The following MCUB variants were observed in gnomAD, a reference collection of about 807,000 sequenced individuals.
MCUB encodes the protein mitochondrial calcium uniporter dominant negative subunit beta.
Under a neutral mutation model 41.4 loss-of-function variants are expected in MCUB, and 46 were observed. The ratio of observed to expected loss-of-function variants is 1.11; its 90% confidence interval spans 0.88 to 1.42. The LOEUF is 1.42. Ranked by LOEUF, MCUB falls within the 40% of genes most tolerant of loss-of-function variation. The pLI is 0.00. For synonymous variants in MCUB, 148 were observed against 148.2 expected, an observed-to-expected ratio of 1.00 and a Z score of 0.01; for missense variants, 403 against 404.9, an observed-to-expected ratio of 1.00 and a Z score of 0.04.
chr4:109,619,046 A>G (rs911046059), intron 1 of MCUB, among the ~76,000 whole-genome samples: 116 of 145,524 alleles, frequency 8.0e-4, no homozygotes, highest in Admixed American at 2.4e-3. Context: ...CTACCTACCT[A>G]CCTACCTACC....
chr4:109,682,788 G>A, intron 5 of MCUB, 46 bp downstream of exon 5: 1 of 1,418,364 alleles, frequency 7.1e-7, no homozygotes, highest in Non-Finnish European at 9.8e-7. Context: ...AATACCTAGT[G>A]TTTATTGAGT....
intron 1 of MCUB, among the ~76,000 whole-genome samples, chr4:109,599,934 T>C (rs1368307466): frequency 6.6e-6 from 1 of 152,168 alleles, no homozygotes; most frequent in Admixed American, 6.5e-5. Flanking sequence ...CCTCTCAAAG[T>C]GCTGGGATTA....
At chr4:109,664,422 CTTTTTTT>C in intron 4 of MCUB, 28 bp downstream of exon 4, 1 of 616,264 alleles carries the variant, frequency 1.6e-6, no homozygotes, top group Non-Finnish European at 2.7e-6. Flanking sequence ...CCAACTATTA[CTTTTTTT>C]TTTTTTTTTT....
chr4:109,686,150 AT>A (rs926730522), intron 7 of MCUB, among the ~76,000 whole-genome samples: 1 of 152,150 alleles, frequency 6.6e-6, no homozygotes, highest in African/African-American at 2.4e-5. Context: ...TTTAATTTAA[AT>A]TTTTTTGAGA....
rs182181732 is a variant in MCUB at position 109,563,892 on chromosome 4, C to T, written c.99+3456C>T. ...GTGAGCCACCGCGCCCAGCCCACAGCACTTCTTAAAAAAATAAAAGTAAAG... is the reference window on the plus strand; with the variant it reads ...GTGAGCCACCGCGCCCAGCCCACAGTACTTCTTAAAAAAATAAAAGTAAAG... On this transcript the variant is annotated intron_variant, in intron 1 of 7. Coordinates refer to ENST00000394650, the MANE Select transcript of MCUB (RefSeq NM_017918.5). 3.7e-3 allele frequency among the ~76,000 whole-genome samples: 564 copies of T among 151,476 alleles called. 2 individuals are homozygous for T. The highest frequency in any genetic ancestry group is 6.5e-3 in the Admixed American group (99 of 15,236).
intron 1 of MCUB, among the ~76,000 whole-genome samples, chr4:109,615,569 G>A (rs543239871): frequency 1.7e-4 from 26 of 151,756 alleles, no homozygotes; most frequent in Non-Finnish European, 3.1e-4. Context: ...ACCTACGCCC[G>A]GCTAATTTTT....
At chr4:109,623,728 A>G (rs1483387230) in intron 1 of MCUB, among the ~76,000 whole-genome samples, 1 of 152,156 alleles carries the variant, frequency 6.6e-6, no homozygotes, top group Non-Finnish European at 1.5e-5. Context: ...TTCGCTTCTT[A>G]TTTATTATCA....
chr4:109,627,992 A>C (rs1243975046), intron 1 of MCUB, among the ~76,000 whole-genome samples: 1 of 151,870 alleles, frequency 6.6e-6, no homozygotes, highest in African/African-American at 2.4e-5. Flanking sequence ...GGAACATATA[A>C]CATATAAGTC....
rs545380840 is a variant in MCUB, at chr4:109,670,906, C to T, written c.451+6512C>T. On this transcript the variant is annotated intron_variant, in intron 4 of 7. Transcript: ENST00000394650. ...CCCACCTATGGGACTCCCTGGAATG[C>T]TTACATTTCAAGAGTTGTCCACGCT... is the stretch of plus-strand genomic sequence containing the variant. Among the ~76,000 whole-genome samples the T allele has an allele frequency of 3.3e-5, 5 of 152,158 alleles. No individual in the cohort carries two copies. The East Asian group carries it at 9.7e-4, about 29-fold the overall frequency.
At chr4:109,565,311 A>G (rs1726744846) in intron 1 of MCUB, among the ~76,000 whole-genome samples, 1 of 152,226 alleles carries the variant, frequency 6.6e-6, no homozygotes, top group Non-Finnish European at 1.5e-5. Flanking sequence ...CACTGGCTAT[A>G]CGCTTCACTG....
At chr4:109,590,906 A>C (rs866840928) in intron 1 of MCUB, among the ~76,000 whole-genome samples, 1 of 152,234 alleles carries the variant, frequency 6.6e-6, no homozygotes, top group Non-Finnish European at 1.5e-5. Flanking sequence ...CAAGGTAATC[A>C]TGTCTTGTCA....
At chr4:109,610,400 C>CA (rs1360629459) in intron 1 of MCUB, among the ~76,000 whole-genome samples, 5 of 152,180 alleles carry the variant, frequency 3.3e-5, no homozygotes, top group African/African-American at 9.7e-5. Context: ...TTCTCTGCCC[C>CA]TCTCCTATTA....
chr4:109,648,450 A>G, intron 1 of MCUB: 1 of 309,696 alleles, frequency 3.2e-6, no homozygotes, highest in Admixed American at 4.8e-5. Flanking sequence ...TATTAGCCAA[A>G]TGCCAAACGT....
chr4:109,597,832 C>T (rs961577491), intron 1 of MCUB, among the ~76,000 whole-genome samples: 3 of 151,648 alleles, frequency 2.0e-5, no homozygotes, highest in Non-Finnish European at 4.4e-5. Flanking sequence ...CTCCTCACTT[C>T]TCAGACGGGG....
chr4:109,683,126 G>A (rs1729757147), intron 5 of MCUB: 1 of 154,498 alleles, frequency 6.5e-6, no homozygotes. Context: ...CAGAGCCCCT[G>A]CTGTGCCTAA....
chr4:109,657,984 A>C (rs568059559), intron 1 of MCUB, among the ~76,000 whole-genome samples: 1 of 152,328 alleles, frequency 6.6e-6, no homozygotes, highest in South Asian at 2.1e-4. Flanking sequence ...GTTTGTGTAC[A>C]TAATTTTTTT....
intron 1 of MCUB, among the ~76,000 whole-genome samples, chr4:109,592,628 C>A (rs1266944677): frequency 6.6e-6 from 1 of 152,126 alleles, no homozygotes; most frequent in Non-Finnish European, 1.5e-5. Flanking sequence ...TTTACTCCAG[C>A]CTAGAATACA....
intron 1 of MCUB, among the ~76,000 whole-genome samples, chr4:109,575,315 T>G (rs914800526): frequency 1.3e-5 from 2 of 152,188 alleles, no homozygotes; most frequent in African/African-American, 4.8e-5. Flanking sequence ...GTGAGAGTAA[T>G]TTTGTTTTAG....
At chr4:109,667,932 T>G (rs181879248) in intron 4 of MCUB, among the ~76,000 whole-genome samples, 1 of 152,156 alleles carries the variant, frequency 6.6e-6, no homozygotes, top group Admixed American at 6.5e-5. Context: ...ATTTAATATC[T>G]AAGTATTTTG....
Sources: allele counts gnomAD v4.1 joint callset (sites outside exome capture counted in the v4.1 genomes callset), GRCh38; gene constraint gnomAD v4.1.1; transcripts MANE v1.5; gene names NCBI Gene and HGNC (gene_info 2026-07-23, HGNC 2026-07-21).